Variants in ZNF182 observed in about 807,000 individuals in gnomAD.
The protein encoded by ZNF182 is zinc finger protein 21 (KOX 14).
ZNF182 carries 10 observed loss-of-function variants against 28.1 expected under a neutral mutation model. The ratio of observed to expected loss-of-function variants is 0.36; its 90% CI spans 0.22 to 0.60. ZNF182 has a LOEUF of 0.60. ZNF182 is among the 20% of genes least tolerant of loss of function. The probability of loss-of-function intolerance (pLI) is 0.75; values close to 1 mark genes in which losing one functional copy is unlikely to be tolerated. For missense variants in ZNF182, 352 were observed against 453.2 expected, an observed-to-expected ratio of 0.78 and a Z score of 2.03; for synonymous variants, 156 against 158.7, an observed-to-expected ratio of 0.98 and a Z score of 0.13.
At chrX:47,982,123 A>T in intron 5 of ZNF182, among the ~76,000 whole-genome samples, 1 of 112,343 alleles carries the variant, frequency 8.9e-6, no homozygotes, top group South Asian at 3.6e-4. Flanking sequence ...CTAACAATGG[A>T]ATTTTATTCC....
intron 3 of ZNF182, among the ~76,000 whole-genome samples, chrX:47,984,780 T>C (rs1304804218): frequency 8.9e-6 from 1 of 111,933 alleles, no homozygotes; most frequent in Admixed American, 9.5e-5. Context: ...ATAACTTTTA[T>C]TGAGAATATA....
Position 47,975,251 on chromosome X carries a change from C to A in ZNF182, c.*916G>T, listed in dbSNP as rs1340768019. On this transcript the variant is annotated 3_prime_UTR_variant, in exon 6 of 6. Coordinates refer to ENST00000376943, the MANE Select transcript of ZNF182 (RefSeq NM_001007088.2). ...TATACCACAATTTAGGGAACCAGAA[C>A]CCTGATATGGTGTCATTTAAACAGC... The A allele has an allele frequency of 9.0e-6, 1 of 111,674 alleles. No individual in the cohort carries two copies. The highest frequency in any genetic ancestry group is 9.6e-5 in the Admixed American group (1 of 10,456). The allele number at this position is 111,674 out of a possible 1,213,427, so 9.2% of individuals were successfully genotyped here.
Position 47,998,886 on chromosome X carries a change from G to C in ZNF182, c.15+3709C>G, listed in dbSNP as rs180837725. 1.3e-4 allele frequency among the ~76,000 whole-genome samples: 14 copies of C among 108,134 alleles called. No homozygotes were observed. The East Asian group carries it at 4.1e-3, about 32-fold the overall frequency. 93.9% of individuals were successfully genotyped at this position (108,134 alleles called of 115,157 possible). On this transcript the variant is annotated intron_variant, in intron 3 of 5. Coordinates refer to ENST00000376943, the MANE Select transcript of ZNF182 (RefSeq NM_001007088.2). ...AAAAAAAAAAAAAGAATCACCATAT[G>C]ATGCAGTAATATCACTCCTGGGTAT...
At chrX:47,987,138 T>C (rs965230804) in intron 3 of ZNF182, among the ~76,000 whole-genome samples, 1 of 111,879 alleles carries the variant, frequency 8.9e-6, no homozygotes, top group Non-Finnish European at 1.9e-5. Flanking sequence ...ACAGAAGTCA[T>C]TGCAACTTAA....
intron 3 of ZNF182, among the ~76,000 whole-genome samples, chrX:47,996,364 ACT>A (rs1277248992): frequency 9.0e-6 from 1 of 111,337 alleles, no homozygotes; most frequent in Non-Finnish European, 1.9e-5. Flanking sequence ...AAACTATGTA[ACT>A]CTGTAAATAG....
Position 47,983,305 on chromosome X carries a change from T to C in ZNF182, c.122A>G (p.Tyr41Cys). 1.7e-6 allele frequency: 2 copies of C among 1,211,542 alleles called. No homozygotes were observed. Among genetic ancestry groups the C allele is most frequent in the Non-Finnish European group, 2.2e-6 (2 of 895,341 alleles). The change falls in exon 4 of 6, where the codon TAC becomes TGC. Residue 41 changes from tyrosine to cysteine, a missense_variant. By Grantham distance (194) the Tyr-to-Cys change is radical. Coordinates refer to ENST00000376943, the MANE Select transcript of ZNF182 (RefSeq NM_001007088.2). Reference protein sequence around the residue: ...TLYRDVMLETYSNLVFVGQQV... With the variant: ...TLYRDVMLETCSNLVFVGQQV... ...CTTACCCACAAAGACCAAGTTGCTG[T>C]AGGTCTCCAGCATCACGTCTCTGTA...
Position 47,977,585 on chromosome X carries a change from C to T in ZNF182, c.445G>A (p.Val149Ile). The T allele has an allele frequency of 8.3e-7, 1 of 1,206,596 alleles. No homozygotes were observed. The highest frequency in any genetic ancestry group is 1.1e-6 in the Non-Finnish European group (1 of 892,651). The change falls in exon 6 of 6, where the codon GTA (valine) becomes ATA (isoleucine). Residue 149 changes from valine to isoleucine, a missense_variant. Coordinates refer to ENST00000376943, the MANE Select transcript of ZNF182 (RefSeq NM_001007088.2). ...DKHESFGNNM[V>I]DNLDLFSRSS... ...CTACTAAATAAGTCTAAATTATCTACCATATTATTTCCAAATGATTCGTGT... is the reference window on the plus strand; with the variant it reads ...CTACTAAATAAGTCTAAATTATCTATCATATTATTTCCAAATGATTCGTGT...
chrX:47,976,494 T>C lies in ZNF182; in HGVS notation c.1536A>G (p.Ile512Met). 2 of 1,209,648 alleles carry C rather than the reference T, an allele frequency of 1.7e-6. No individual in the cohort carries two copies. The highest frequency in any genetic ancestry group is 2.2e-6 in the Non-Finnish European group (2 of 894,864). ...KAFREKSKLIIHQRIHTGEKP... is the reference protein window; with the variant it reads ...KAFREKSKLIMHQRIHTGEKP... ...TCTCTCCTGTATGAATTCTCTGATG[T>C]ATAATGAGCTTTGACTTTTCTCTGA... Residue 512 changes from isoleucine (I) to methionine (M), a missense_variant, in exon 6 of 6, where the codon ATA (isoleucine) becomes ATG (methionine). Transcript: ENST00000376943.
At chrX:47,990,179 C>T (rs2058936641) in intron 3 of ZNF182, among the ~76,000 whole-genome samples, 1 of 110,848 alleles carries the variant, frequency 9.0e-6, no homozygotes. Context: ...TTGATATCTA[C>T]AATATCAATA....
chrX:47,977,226 C>G lies in ZNF182; in HGVS notation c.804G>C (p.Glu268Asp). The G allele has an allele frequency of 8.3e-7, 1 of 1,208,782 alleles. No homozygotes were observed. The highest frequency in any genetic ancestry group is 1.8e-5 in the South Asian group (1 of 56,121). ...CACATTCAGGACACTCAAAGGGTCT[C>G]TCTCCTGTATGAGTTCGCAAGTGTA... ...LIIHLRTHTG[E>D]RPFECPECGK... Residue 268 changes from glutamate to aspartate, a missense_variant, in exon 6 of 6, where the codon GAG becomes GAC. Coordinates refer to ENST00000376943, the MANE Select transcript of ZNF182 (RefSeq NM_001007088.2).
chrX:47,983,157 C>T (rs1003494738), intron 4 of ZNF182, 119 bp from the exon 5 acceptor site: 1 of 1,111,359 alleles, frequency 9.0e-7, no homozygotes, highest in Non-Finnish European at 1.2e-6. Flanking sequence ...AAAGTCAAAC[C>T]ATTTAACCTG....
At position 47,975,311 on chromosome X, in the gene ZNF182, TG is replaced by T. The variant is rs1422348862; in HGVS notation, c.*855del. 2.1e-4 allele frequency: 2 copies of T among 9,382 alleles called. No individual in the cohort carries two copies. Among genetic ancestry groups the T allele is most frequent in the South Asian group, 6.1e-3 (1 of 164 alleles). 0.8% of individuals were successfully genotyped at this position (9,382 alleles called of 1,213,427 possible). A position where few individuals can be genotyped will look rare whatever the true frequency, so the allele number is the denominator to read the frequency against. ...TTTGTTTTCACAAACGCTGCATTAA[TG>T]AATACTGTATGTTCATCATTTTGTA... On this transcript the variant is annotated 3_prime_UTR_variant, in exon 6 of 6. Coordinates refer to ENST00000376943, the MANE Select transcript of ZNF182 (RefSeq NM_001007088.2).
At chrX:47,992,852 C>A (rs2058946446) in intron 3 of ZNF182, among the ~76,000 whole-genome samples, 1 of 112,266 alleles carries the variant, frequency 8.9e-6, no homozygotes, top group South Asian at 3.7e-4. Flanking sequence ...TGACCCAGAT[C>A]AGACAAGAGC....
chrX:47,976,122 A>C lies in ZNF182; in HGVS notation c.*45T>G. 9.5e-7 allele frequency: 1 copy of C among 1,055,446 alleles called. No individual in the cohort carries two copies. The highest frequency in any genetic ancestry group is 1.2e-6 in the Non-Finnish European group (1 of 806,416). The allele number at this position is 1,055,446 out of a possible 1,213,427, so 87.0% of individuals were successfully genotyped here. A position where few individuals can be genotyped will look rare whatever the true frequency, so the allele number is the denominator to read the frequency against. On this transcript the variant is annotated 3_prime_UTR_variant, in exon 6 of 6. Coordinates refer to ENST00000376943, the MANE Select transcript of ZNF182 (RefSeq NM_001007088.2). ...CTTTTAAAATGTGAGTAAAATTGACACAACTTTCTTTCAGTGTCCATAATA... is the reference window on the plus strand; with the variant it reads ...CTTTTAAAATGTGAGTAAAATTGACCCAACTTTCTTTCAGTGTCCATAATA...
At position 47,983,428 on chromosome X, in the gene ZNF182, C is replaced by A. The variant is rs1556899397; in HGVS notation, c.16-17G>T. The A allele has an allele frequency of 2.5e-6, 3 of 1,183,027 alleles. No homozygotes were observed. Among genetic ancestry groups the A allele is most frequent in the Non-Finnish European group, 1.1e-6 (1 of 881,966 alleles). The stretch of plus-strand genomic sequence containing the variant: ...CACTAGCCCCTGTAATGGTACATTC[C>A]TTTTATTTTAAAATGCTGACCACTA... On this transcript the variant is annotated splice_polypyrimidine_tract_variant and intron_variant, in intron 3 of 5. Transcript: ENST00000376943.
rs572578529 is a variant in ZNF182 at position 47,981,660 on chromosome X, G to A, written c.232+1289C>T. On this transcript the variant is annotated intron_variant, in intron 5 of 5. Coordinates refer to ENST00000376943, the MANE Select transcript of ZNF182 (RefSeq NM_001007088.2). ...TCACGCCTGTAATCCCAGCACTTTG[G>A]GAGGCCAAGGCAGGTGGATCACAAG... Among the ~76,000 whole-genome samples the A allele has an allele frequency of 1.3e-3, 143 of 111,892 alleles. 1 individual carries two copies. Among genetic ancestry groups the A allele is most frequent in the South Asian group, 1.5e-3 (4 of 2,689 alleles).
At chrX:48,000,618 A>G (rs1002753505) in intron 3 of ZNF182, among the ~76,000 whole-genome samples, 1 of 112,183 alleles carries the variant, frequency 8.9e-6, no homozygotes, top group Non-Finnish European at 1.9e-5. Flanking sequence ...ATCTAAAACT[A>G]TAAAATTATA....
intron 3 of ZNF182, among the ~76,000 whole-genome samples, chrX:47,989,219 G>A (rs1159900410): frequency 3.6e-5 from 4 of 111,186 alleles, no homozygotes; most frequent in African/African-American, 6.5e-5. Flanking sequence ...CTTGAGGCCA[G>A]GAGTTCAAGA....
At position 47,975,020 on chromosome X, in the gene ZNF182, T is replaced by C. The variant is rs1361980550; in HGVS notation, c.*1147A>G. 1 of 111,468 alleles carries C rather than the reference T, an allele frequency of 9.0e-6. No homozygotes were observed. The highest frequency in any genetic ancestry group is 1.9e-5 in the Non-Finnish European group (1 of 53,099). 9.2% of individuals were successfully genotyped at this position (111,468 alleles called of 1,213,427 possible). ...GGTAATCAGGGTTACCAGGTTCTCA[T>C]GTCTCTTTCCAGAGATAACTTATGA... On this transcript the variant is annotated 3_prime_UTR_variant, in exon 6 of 6. Transcript: ENST00000376943.
Sources: allele counts gnomAD v4.1 joint callset (sites outside exome capture counted in the v4.1 genomes callset), GRCh38; gene constraint gnomAD v4.1.1; transcripts MANE v1.5; gene names NCBI Gene and HGNC (gene_info 2026-07-23, HGNC 2026-07-21).